The following AKT3 variants were observed in gnomAD, a reference collection of about 807,000 sequenced individuals.
The protein encoded by AKT3 is RAC-gamma serine/threonine-protein kinase.
AKT3 carries 15 observed loss-of-function variants against 65.3 expected under a neutral mutation model. The ratio of observed to expected loss-of-function variants is 0.23; its 90% CI spans 0.15 to 0.35. AKT3 has a LOEUF of 0.35. Ranked by LOEUF, AKT3 falls within the 10% of genes least tolerant of loss-of-function variation. The probability of loss-of-function intolerance (pLI) is 1.00; values close to 1 mark genes in which losing one functional copy is unlikely to be tolerated. For synonymous variants in AKT3, 206 were observed against 183.8 expected, an observed-to-expected ratio of 1.12 and a Z score of -0.98; for missense variants, 243 against 576.5, an observed-to-expected ratio of 0.42 and a Z score of 5.92.
At chr1:243,771,775 C>T (rs1018562732) in intron 2 of AKT3, among the ~76,000 whole-genome samples, 1 of 152,056 alleles carries the variant, frequency 6.6e-6, no homozygotes, top group African/African-American at 2.4e-5. Flanking sequence ...GCCATGCTAC[C>T]TGACTTCAAA....
chr1:243,677,121 C>T (rs994829421), intron 3 of AKT3, among the ~76,000 whole-genome samples: 3 of 152,236 alleles, frequency 2.0e-5, no homozygotes, highest in Non-Finnish European at 4.4e-5. Flanking sequence ...TGTCTCTTCA[C>T]TGTCCCCTAA....
intron 2 of AKT3, among the ~76,000 whole-genome samples, chr1:243,757,202 T>C (rs1380351608): frequency 6.6e-6 from 1 of 152,258 alleles, no homozygotes; most frequent in African/African-American, 2.4e-5. Context: ...GATTGATATA[T>C]CACTATTAAT....
chr1:243,705,908 T>C (rs750188260), intron 2 of AKT3, among the ~76,000 whole-genome samples: 2 of 152,198 alleles, frequency 1.3e-5, no homozygotes, highest in Non-Finnish European at 2.9e-5. Context: ...ACACACCGGA[T>C]TTAACACAAA....
At chr1:243,634,707 C>T (rs1480302593) in intron 6 of AKT3, among the ~76,000 whole-genome samples, 2 of 151,100 alleles carry the variant, frequency 1.3e-5, no homozygotes, top group Admixed American at 6.6e-5. Flanking sequence ...CCAGAAAACA[C>T]CAAAAAAAGA....
At chr1:243,780,667 GAT>G (rs1198436455) in intron 2 of AKT3, among the ~76,000 whole-genome samples, 2 of 151,600 alleles carry the variant, frequency 1.3e-5, no homozygotes, top group African/African-American at 4.8e-5. Context: ...AAAAAAGAAA[GAT>G]AATACAACTA....
chr1:243,669,218 A>G (rs1043913370), intron 3 of AKT3, among the ~76,000 whole-genome samples: 2 of 152,184 alleles, frequency 1.3e-5, no homozygotes, highest in Non-Finnish European at 2.9e-5. Flanking sequence ...AAAGTTAGGA[A>G]TTGTGTGCAC....
At chr1:243,619,319 G>A (rs76898778) in intron 6 of AKT3, among the ~76,000 whole-genome samples, 5,907 of 152,208 alleles carry the variant, frequency 0.039, 134 homozygotes, top group African/African-American at 0.064. Flanking sequence ...GGGTAATGGG[G>A]ATATTCATCA....
chr1:243,663,805 A>G (rs1682567732), intron 4 of AKT3, among the ~76,000 whole-genome samples: 1 of 152,206 alleles, frequency 6.6e-6, no homozygotes, highest in African/African-American at 2.4e-5. Flanking sequence ...TAACATGTGC[A>G]GGATGGTGGT....
intron 12 of AKT3, among the ~76,000 whole-genome samples, chr1:243,526,936 A>G (rs1671149814): frequency 6.6e-6 from 1 of 152,088 alleles, no homozygotes. Context: ...TCAAGACCCT[A>G]AAAACCATGG....
At chr1:243,773,413 C>A (rs1037563111) in intron 2 of AKT3, among the ~76,000 whole-genome samples, 8 of 152,030 alleles carry the variant, frequency 5.3e-5, no homozygotes, top group Non-Finnish European at 8.8e-5. Context: ...GATTTACCTC[C>A]ACTGTGACCT....
chr1:243,700,506 A>AT (rs67611152), intron 2 of AKT3, among the ~76,000 whole-genome samples: 84,020 of 139,926 alleles, frequency 0.6, 27,306 homozygotes, highest in Non-Finnish European at 0.73. Context: ...GGCTTAGTCT[A>AT]TTTTTTTTTT....
chr1:243,621,753 G>A (rs1432365442), intron 6 of AKT3, among the ~76,000 whole-genome samples: 2 of 152,108 alleles, frequency 1.3e-5, no homozygotes, highest in Non-Finnish European at 2.9e-5. Context: ...GTAGTGAATG[G>A]CAATACCATG....
At chr1:243,633,132 A>G (rs150958049) in intron 6 of AKT3, among the ~76,000 whole-genome samples, 2 of 152,338 alleles carry the variant, frequency 1.3e-5, no homozygotes, top group Admixed American at 1.3e-4. Flanking sequence ...AAAAAACTAA[A>G]GCAAGAATCC....
At chr1:243,669,965 T>A (rs1193492801) in intron 3 of AKT3, among the ~76,000 whole-genome samples, 2 of 152,202 alleles carry the variant, frequency 1.3e-5, no homozygotes, top group Non-Finnish European at 1.5e-5. Flanking sequence ...AAATGTCAGT[T>A]ATGGGCCAAG....
At chr1:243,758,443 T>C (rs185405912) in intron 2 of AKT3, among the ~76,000 whole-genome samples, 2 of 152,236 alleles carry the variant, frequency 1.3e-5, no homozygotes, top group East Asian at 3.9e-4. Context: ...ATGCCTGACA[T>C]GTTCCAGGAA....
intron 4 of AKT3, among the ~76,000 whole-genome samples, chr1:243,657,758 T>C (rs1267927233): frequency 6.6e-6 from 1 of 152,112 alleles, no homozygotes; most frequent in Non-Finnish European, 1.5e-5. Flanking sequence ...AAAGCTTCAG[T>C]AATTAAAACA....
intron 2 of AKT3, among the ~76,000 whole-genome samples, chr1:243,759,825 G>A (rs1689375230): frequency 6.6e-6 from 1 of 152,184 alleles, no homozygotes; most frequent in Non-Finnish European, 1.5e-5. Context: ...TTCTGCTTCT[G>A]TAAATATCAG....
chr1:243,656,126 C>A (rs1681772851), intron 4 of AKT3, among the ~76,000 whole-genome samples: 1 of 151,488 alleles, frequency 6.6e-6, no homozygotes, highest in African/African-American at 2.4e-5. Context: ...GGGGGTAATT[C>A]CTGCAAAAAA....
chr1:243,823,113 T>C (rs1377279990), intron 2 of AKT3, among the ~76,000 whole-genome samples: 1 of 152,130 alleles, frequency 6.6e-6, no homozygotes, highest in Admixed American at 6.5e-5. Flanking sequence ...CAGGATGCAA[T>C]GCTGGTTCAA....
Sources: allele counts gnomAD v4.1 joint callset (sites outside exome capture counted in the v4.1 genomes callset), GRCh38; gene constraint gnomAD v4.1.1; transcripts MANE v1.5; gene names NCBI Gene and HGNC (gene_info 2026-07-23, HGNC 2026-07-21).